The following PIM1 variants were observed in gnomAD, a reference collection of about 807,000 sequenced individuals.
PIM1 encodes the protein serine/threonine-protein kinase pim-1.
A neutral mutation model predicts 34.5 loss-of-function variants in PIM1; 9 were observed. The observed-to-expected ratio is 0.26, with a 90% confidence interval of 0.16 to 0.46. The LOEUF (loss-of-function observed/expected upper bound fraction) is 0.46. Ranked by LOEUF, PIM1 falls within the 20% of genes least tolerant of loss-of-function variation. The pLI is 1.00. For synonymous variants in PIM1, 199 were observed against 175.2 expected (o/e 1.14, Z -1.07); for missense variants, 274 against 410.9 (o/e 0.67, Z 2.88).
chr6:37,170,267 CA>C lies in PIM1; in HGVS notation c.-308del. 2 of 1,358,260 alleles carry C rather than the reference CA, an allele frequency of 1.5e-6. No individual in the cohort carries two copies. The highest frequency in any genetic ancestry group is 1.5e-5 in the South Asian group (1 of 66,110). The allele number at this position is 1,358,260 out of a possible 1,614,324, so 84.1% of individuals were successfully genotyped here. A position where few individuals can be genotyped will look rare whatever the true frequency, so the allele number is the denominator to read the frequency against. ...GGACCGGCAGCAGCAGCAGCAGCAG[CA>C]GCAGCAGCAACCACTAGCCTCCTGC... On this transcript the variant is annotated 5_prime_UTR_variant, in exon 1 of 6. Transcript: ENST00000373509.
In PIM1 at chr6:37,174,242, G is replaced by A; in HGVS notation, c.*151G>A. On this transcript the variant is annotated 3_prime_UTR_variant, in exon 6 of 6. Transcript: ENST00000373509. The stretch of plus-strand genomic sequence containing the variant: ...CATTTACAACTCATTCCAGATCCCA[G>A]GCCCCTGGAGGCTGCCTCCCAACAG... 1 of 739,380 alleles carries A rather than the reference G, an allele frequency of 1.4e-6. No homozygotes were observed. The highest frequency in any genetic ancestry group is 2.1e-6 in the Non-Finnish European group (1 of 469,354). 45.8% of individuals were successfully genotyped at this position (739,380 alleles called of 1,614,324 possible).
intron 5 of PIM1, among the ~76,000 whole-genome samples, 198 bp downstream of exon 5, chr6:37,173,370 G>A (rs561067176): frequency 2.9e-4 from 44 of 152,342 alleles, no homozygotes; most frequent in Non-Finnish European, 1.6e-4. Context: ...TTCCTTGGGA[G>A]GTCAGAGGAA....
Position 37,174,272 on chromosome 6 carries a change from G to A in PIM1, c.*181G>A. The A allele has an allele frequency of 1.8e-6, 1 of 564,372 alleles. No homozygotes were observed. The highest frequency in any genetic ancestry group is 3.1e-6 in the Non-Finnish European group (1 of 324,400). The allele number at this position is 564,372 out of a possible 1,614,324, so 35.0% of individuals were successfully genotyped here. On this transcript the variant is annotated 3_prime_UTR_variant, in exon 6 of 6. Transcript: ENST00000373509. ...CTGGAGGCTGCCTCCCAACAGTGGG[G>A]AAGAGTGACTCTCCAGGGGTCCTAG...
intron 4 of PIM1, 79 bp from the exon 5 acceptor site, chr6:37,172,917 G>C (rs1366206824): frequency 1.6e-5 from 19 of 1,173,452 alleles, no homozygotes; most frequent in Non-Finnish European, 1.9e-5. Flanking sequence ...TTAAAAGAAA[G>C]AGTTATATAT....
At chr6:37,173,831 G>C (rs575621791) in intron 5 of PIM1, 103 bp from the exon 6 acceptor site, 2 of 1,074,658 alleles carry the variant, frequency 1.9e-6, no homozygotes, top group Non-Finnish European at 2.7e-6. Context: ...TGGCCTCCCT[G>C]GGACCCCAGA....
At chr6:37,172,772 T>G in intron 4 of PIM1, 1 of 664,808 alleles carries the variant, frequency 1.5e-6, no homozygotes, top group South Asian at 1.5e-5. Context: ...GAATTTCAGT[T>G]TATGGTTTGG....
In PIM1 at chr6:37,175,110, G is replaced by A. The variant is rs111567441; in HGVS notation, c.*1019G>A. ...GGACCTTTTGGGGGAGGGCTGCGAC[G>A]CTTGCTCTGTTTGTGGGGTGACGGG... is the stretch of plus-strand genomic sequence containing the variant. On this transcript the variant is annotated 3_prime_UTR_variant, in exon 6 of 6. Transcript: ENST00000373509. 8 of 233,316 alleles carry A rather than the reference G, an allele frequency of 3.4e-5. No homozygotes were observed. In the East Asian group the frequency reaches 3.6e-4, roughly 11 times the overall value. 14.5% of individuals were successfully genotyped at this position (233,316 alleles called of 1,614,324 possible).
intron 4 of PIM1, among the ~76,000 whole-genome samples, chr6:37,171,749 A>G (rs1350162798): frequency 2.6e-5 from 4 of 152,332 alleles, no homozygotes; most frequent in Middle Eastern, 3.4e-3. Flanking sequence ...CCCGATGAAT[A>G]AGAGGTTGTG....
chr6:37,171,337 G>C lies in PIM1; in HGVS notation c.453G>C (p.Val151=). The change falls in exon 4 of 6, where the codon GTG becomes GTC. Residue 151 remains valine (V), a synonymous_variant. Transcript: ENST00000373509. ...TGGCCCGCAGCTTCTTCTGGCAGGTGCTGGAGGCCGTGCGGCACTGCCACA... is the reference window on the plus strand; with the variant it reads ...TGGCCCGCAGCTTCTTCTGGCAGGTCCTGGAGGCCGTGCGGCACTGCCACA... ...EELARSFFWQ[V]LEAVRHCHNC... is the part of the protein sequence containing the mutation. 6.2e-7 allele frequency: 1 copy of C among 1,613,926 alleles called. No individual in the cohort carries two copies. The highest frequency in any genetic ancestry group is 8.5e-7 in the Non-Finnish European group (1 of 1,180,028).
Position 37,171,424 on chromosome 6 carries a change from C to T in PIM1, c.540C>T (p.Gly180=), listed in dbSNP as rs999889912. The change falls in exon 4 of 6, where the codon GGC becomes GGT. Residue 180 remains glycine (G), a synonymous_variant. Coordinates refer to ENST00000373509, the MANE Select transcript of PIM1 (RefSeq NM_002648.4). ...ACATCCTTATCGACCTCAATCGCGG[C>T]GAGCTCAAGCTCATCGACTTCGGGT... ...DENILIDLNR[G]ELKLIDFGSG... 1 of 1,613,966 alleles carries T rather than the reference C, an allele frequency of 6.2e-7. No homozygotes were observed. Among genetic ancestry groups the T allele is most frequent in the South Asian group, 1.1e-5 (1 of 91,086 alleles).
chr6:37,174,159 C>T lies in PIM1; in HGVS notation c.*68C>T. 6.8e-7 allele frequency: 1 copy of T among 1,472,544 alleles called. No individual in the cohort carries two copies. The highest frequency in any genetic ancestry group is 1.4e-5 in the African/African-American group (1 of 71,494). The allele number at this position is 1,472,544 out of a possible 1,614,324, so 91.2% of individuals were successfully genotyped here. On this transcript the variant is annotated 3_prime_UTR_variant, in exon 6 of 6. Coordinates refer to ENST00000373509, the MANE Select transcript of PIM1 (RefSeq NM_002648.4). Reference sequence around the variant, plus strand: ...AGGGAGGGGAAGCTTCTGTCTCCAGCTTCCCGAGTACCAGTGACACGTCTC... The same window carrying T: ...AGGGAGGGGAAGCTTCTGTCTCCAGTTTCCCGAGTACCAGTGACACGTCTC...
At chr6:37,172,684 G>T in intron 4 of PIM1, 2 of 544,882 alleles carry the variant, frequency 3.7e-6, no homozygotes, top group Non-Finnish European at 7.0e-6. Flanking sequence ...TTCATCCTTC[G>T]CAGGCGGTCC....
Position 37,174,342 on chromosome 6 carries a change from C to T in PIM1, c.*251C>T, listed in dbSNP as rs975570369. The T allele has an allele frequency of 8.5e-6, 2 of 236,290 alleles. No homozygotes were observed. The highest frequency in any genetic ancestry group is 1.2e-4 in the East Asian group (2 of 16,962). 14.6% of individuals were successfully genotyped at this position (236,290 alleles called of 1,614,324 possible). ...ATACTCTCTTCTTCTCATAGGTGTC[C>T]AGCATTGCTGGACTCTGAAATATCC... On this transcript the variant is annotated 3_prime_UTR_variant, in exon 6 of 6. Coordinates refer to ENST00000373509, the MANE Select transcript of PIM1 (RefSeq NM_002648.4).
rs908462989 is a variant in PIM1, at chr6:37,170,164, G to A, written c.-412G>A. 3 of 935,322 alleles carry A rather than the reference G, an allele frequency of 3.2e-6. No homozygotes were observed. Among genetic ancestry groups the A allele is most frequent in the East Asian group, 1.1e-4 (2 of 18,188 alleles). 57.9% of individuals were successfully genotyped at this position (935,322 alleles called of 1,614,324 possible). On this transcript the variant is annotated 5_prime_UTR_variant, in exon 1 of 6. Coordinates refer to ENST00000373509, the MANE Select transcript of PIM1 (RefSeq NM_002648.4). ...GCTCCTCCCCTTTACTCCTGGCTGC[G>A]GGGCGAGCCGGGCGTCTGCTGCAGC...
chr6:37,172,908 T>TTA lies in PIM1; in HGVS notation c.608-88_608-87insTA, dbSNP rs1267363063. 4.8e-6 allele frequency: 5 copies of TTA among 1,045,662 alleles called. No individual in the cohort carries two copies. The African/African-American group carries it at 6.6e-5, about 14-fold the overall frequency. The allele number at this position is 1,045,662 out of a possible 1,614,324, so 64.8% of individuals were successfully genotyped here. Reference sequence around the variant, plus strand: ...TGAGAGAAGGGATTTTTTTTTTTTTTAAAAGAAAGAGTTATATATACCACC... The same window carrying TTA: ...TGAGAGAAGGGATTTTTTTTTTTTTTTAAAAAGAAAGAGTTATATATACCACC... On this transcript the variant is annotated intron_variant, in intron 4 of 5. Coordinates refer to ENST00000373509, the MANE Select transcript of PIM1 (RefSeq NM_002648.4).
At position 37,174,072 on chromosome 6, in the gene PIM1, C is replaced by T. The variant is rs377586924; in HGVS notation, c.923C>T (p.Ser308Leu). The change falls in exon 6 of 6, where the codon TCG (serine) becomes TTG (leucine). Residue 308 changes from serine to leucine, a missense_variant. Ser to Leu is a moderately radical substitution (Grantham distance 145, BLOSUM62 -2). Transcript: ENST00000373509. ...ETAEIHLHSL[S>L]PGPSK The stretch of plus-strand genomic sequence containing the variant: ...GCTGAGATCCACCTCCACAGCCTGT[C>T]GCCGGGGCCCAGCAAATAGCAGCCT... 2.5e-5 allele frequency: 41 copies of T among 1,613,486 alleles called. No homozygotes were observed. Among genetic ancestry groups the T allele is most frequent in the Non-Finnish European group, 3.3e-5 (39 of 1,179,754 alleles).
chr6:37,174,193 G>C lies in PIM1; in HGVS notation c.*102G>C. On this transcript the variant is annotated 3_prime_UTR_variant, in exon 6 of 6. Coordinates refer to ENST00000373509, the MANE Select transcript of PIM1 (RefSeq NM_002648.4). ...TACCAGTGACACGTCTCGCCAAGCAGGACAGTGCTTGATACAGGAACAACA... is the reference window on the plus strand; with the variant it reads ...TACCAGTGACACGTCTCGCCAAGCACGACAGTGCTTGATACAGGAACAACA... 8.7e-7 allele frequency: 1 copy of C among 1,148,664 alleles called. No homozygotes were observed. The highest frequency in any genetic ancestry group is 1.2e-6 in the Non-Finnish European group (1 of 808,522). 71.2% of individuals were successfully genotyped at this position (1,148,664 alleles called of 1,614,324 possible).
intron 4 of PIM1, among the ~76,000 whole-genome samples, chr6:37,172,124 C>G (rs1583398398): frequency 6.6e-6 from 1 of 152,016 alleles, no homozygotes; most frequent in Admixed American, 6.6e-5. Flanking sequence ...GGAGCGGGTT[C>G]TTTCAGAAAA....
At chr6:37,172,889 AAGGG>A in intron 4 of PIM1, 103 bp from the exon 5 acceptor site, 1 of 940,016 alleles carries the variant, frequency 1.1e-6, no homozygotes, top group Non-Finnish European at 1.7e-6. Flanking sequence ...CTCCTGAGAG[AAGGG>A]ATTTTTTTTT....
Sources: gnomAD v4.1 joint callset for allele counts (sites outside exome capture counted in the v4.1 genomes callset) on GRCh38, gnomAD v4.1.1 for gene constraint, MANE v1.5 for transcripts, NCBI Gene and HGNC (gene_info 2026-07-23, HGNC 2026-07-21) for gene names.